PCDH9: variants seen among roughly 807,000 people sequenced by gnomAD.
The protein encoded by PCDH9 is protocadherin 9.
PCDH9 carries 24 observed loss-of-function variants against 70.6 expected under a neutral mutation model. The observed-to-expected ratio is 0.34, with a 90% CI of 0.25 to 0.48. PCDH9 has a LOEUF of 0.48. PCDH9 is among the 20% of genes least tolerant of loss of function. The pLI is 0.99. For synonymous variants in PCDH9, 562 were observed against 558.5 expected (o/e 1.01, Z -0.09); for missense variants, 1,281 against 1,503.6 (o/e 0.85, Z 2.45).
At chr13:66,545,207 G>A (rs1961131479) in intron 4 of PCDH9, among the ~76,000 whole-genome samples, 1 of 151,938 alleles carries the variant, frequency 6.6e-6, no homozygotes, top group Non-Finnish European at 1.5e-5. Flanking sequence ...TAGAATCAAG[G>A]CAAATAGGAA....
chr13:67,227,775 G>C lies in PCDH9; in HGVS notation c.666C>G (p.Ile222Met). ...GTGGAGTGCCTCCATCCTCTACTTTGATTTTCATCACATAGGTATCTTTCT... is the reference window on the plus strand; with the variant it reads ...GTGGAGTGCCTCCATCCTCTACTTTCATTTTCATCACATAGGTATCTTTCT... Reference protein sequence around the residue: ...REQKDTYVMKIKVEDGGTPQK... With the variant: ...REQKDTYVMKMKVEDGGTPQK... Residue 222 changes from isoleucine (I) to methionine (M), a missense_variant, in exon 2 of 5, where the codon ATC (isoleucine) becomes ATG (methionine). Coordinates refer to ENST00000377865, the MANE Select transcript of PCDH9 (RefSeq NM_203487.3). The surrounding 1 kb of genome is among the most constrained non-coding windows in gnomAD (Gnocchi z 4.6). 6.2e-7 allele frequency: 1 copy of C among 1,613,732 alleles called. No homozygotes were observed. Among genetic ancestry groups the C allele is most frequent in the Non-Finnish European group, 8.5e-7 (1 of 1,179,634 alleles).
intron 2 of PCDH9, among the ~76,000 whole-genome samples, chr13:67,058,400 G>A (rs1050896816): frequency 1.3e-5 from 2 of 152,038 alleles, no homozygotes; most frequent in Admixed American, 6.6e-5. Flanking sequence ...AAGTGTGCAC[G>A]TCCCAGCTGT....
intron 3 of PCDH9, among the ~76,000 whole-genome samples, chr13:66,694,017 T>C (rs1024281647): frequency 1.3e-5 from 2 of 152,228 alleles, no homozygotes; most frequent in Non-Finnish European, 2.9e-5. Flanking sequence ...CTGGTTAGCA[T>C]ATAGGATACT....
intron 2 of PCDH9, among the ~76,000 whole-genome samples, chr13:67,060,959 G>T (rs1202177923): frequency 6.6e-6 from 1 of 151,952 alleles, no homozygotes; most frequent in South Asian, 2.1e-4. Flanking sequence ...ATAAATTCTG[G>T]TTTGTCCTAT....
At chr13:66,829,717 C>CAAAAAAAAA (rs562176354) in intron 3 of PCDH9, among the ~76,000 whole-genome samples, 5,101 of 53,044 alleles carry the variant, frequency 0.096, 1,378 homozygotes, top group Middle Eastern at 0.25. Context: ...GACTCCGTCT[C>CAAAAAAAAA]AAAAAAAAAA....
At chr13:67,118,119 C>A (rs888977805) in intron 2 of PCDH9, among the ~76,000 whole-genome samples, 1 of 152,034 alleles carries the variant, frequency 6.6e-6, no homozygotes, top group Non-Finnish European at 1.5e-5. Context: ...AAGAAAATAT[C>A]CACTATCTTT....
At chr13:66,770,203 A>G (rs1234096617) in intron 3 of PCDH9, among the ~76,000 whole-genome samples, 1 of 152,144 alleles carries the variant, frequency 6.6e-6, no homozygotes, top group Non-Finnish European at 1.5e-5. Flanking sequence ...AGGCAAATAG[A>G]TCAGCTTAAA....
intron 2 of PCDH9, among the ~76,000 whole-genome samples, chr13:67,167,847 T>C (rs1007184405): frequency 1.3e-5 from 2 of 152,174 alleles, no homozygotes; most frequent in Non-Finnish European, 2.9e-5. Flanking sequence ...CCCAATATGT[T>C]AGCAATAGCA....
intron 3 of PCDH9, among the ~76,000 whole-genome samples, chr13:66,880,960 A>G (rs2081912130): frequency 6.6e-6 from 1 of 152,218 alleles, no homozygotes; most frequent in African/African-American, 2.4e-5. Context: ...TGAGCAAATT[A>G]CTACACCTTT....
Position 67,225,575 on chromosome 13 carries a change from C to T in PCDH9, c.2866G>A (p.Val956Ile). ...ATCACGTGGTGCTTTTTCACGGAAA[C>T]TGGAGTGTCTGGTTTGAGATGAAAA... The part of the protein sequence containing the change: ...PAFHLKPDTP[V>I]SVKKHHVIQE... Residue 956 changes from valine to isoleucine, a missense_variant, in exon 2 of 5, where the codon GTT (valine) becomes ATT (isoleucine). This residue lies in a region of PCDH9 where 207 missense variants were observed against 191.8 expected (regional missense o/e 1.08). Coordinates refer to ENST00000377865, the MANE Select transcript of PCDH9 (RefSeq NM_203487.3). 1 of 1,614,132 alleles carries T rather than the reference C, an allele frequency of 6.2e-7. No individual in the cohort carries two copies. Among genetic ancestry groups the T allele is most frequent in the Non-Finnish European group, 8.5e-7 (1 of 1,180,016 alleles).
chr13:66,373,501 C>A (rs1956694914), intron 4 of PCDH9, among the ~76,000 whole-genome samples: 1 of 151,610 alleles, frequency 6.6e-6, no homozygotes, highest in Admixed American at 6.6e-5. Flanking sequence ...GTTACATATG[C>A]TTTATTGCAA....
chr13:66,939,861 T>C (rs779521672), intron 2 of PCDH9, among the ~76,000 whole-genome samples: 14 of 152,314 alleles, frequency 9.2e-5, no homozygotes, highest in Middle Eastern at 3.4e-3. Context: ...TCTAGAGCTG[T>C]GTATCAACAT....
chr13:67,044,759 G>A (rs757187793), intron 2 of PCDH9, among the ~76,000 whole-genome samples: 10 of 152,168 alleles, frequency 6.6e-5, no homozygotes, highest in African/African-American at 1.2e-4. Flanking sequence ...TGAAGGTGGT[G>A]AGGGAGTCCC....
chr13:66,610,097 A>G (rs1410551548), intron 4 of PCDH9, among the ~76,000 whole-genome samples: 1 of 151,896 alleles, frequency 6.6e-6, no homozygotes, highest in African/African-American at 2.4e-5. Flanking sequence ...ATTTAATAAC[A>G]ATAGTACTGG....
At chr13:66,589,371 G>C (rs1356371030) in intron 4 of PCDH9, among the ~76,000 whole-genome samples, 2 of 151,970 alleles carry the variant, frequency 1.3e-5, no homozygotes, top group East Asian at 3.9e-4. Context: ...AATATAGCTT[G>C]AAGGAGGATA....
intron 4 of PCDH9, among the ~76,000 whole-genome samples, chr13:66,502,795 AACT>A: frequency 6.6e-6 from 1 of 152,292 alleles, no homozygotes; most frequent in South Asian, 2.1e-4. Flanking sequence ...GAGTATACTA[AACT>A]ACACAGAATT....
chr13:66,311,354 TTC>T (rs540737424), intron 4 of PCDH9, among the ~76,000 whole-genome samples: 2,740 of 123,140 alleles, frequency 0.022, 48 homozygotes, highest in African/African-American at 0.052. Context: ...CTCTCTCTCT[TTC>T]TCTCTCTCTC....
chr13:66,826,933 T>A (rs957071458), intron 3 of PCDH9, among the ~76,000 whole-genome samples: 1 of 152,188 alleles, frequency 6.6e-6, no homozygotes, highest in Admixed American at 6.5e-5. Flanking sequence ...TCCTCATCCC[T>A]ACAACCTGTA....
chr13:66,832,846 G>C (rs898536647), intron 3 of PCDH9, among the ~76,000 whole-genome samples: 1 of 151,906 alleles, frequency 6.6e-6, no homozygotes, highest in African/African-American at 2.4e-5. Flanking sequence ...ACTATGATAC[G>C]ATACCAGTTA....
Sources: allele counts gnomAD v4.1 joint callset (sites outside exome capture counted in the v4.1 genomes callset), GRCh38; gene constraint gnomAD v4.1.1; regional missense constraint gnomAD v4.1.1; non-coding constraint Gnocchi (gnomAD v3.1); transcripts MANE v1.5; gene names NCBI Gene and HGNC (gene_info 2026-07-23, HGNC 2026-07-21).